Variants in DEPDC5 observed in about 807,000 individuals in gnomAD.
The protein encoded by DEPDC5 is GATOR1 complex protein DEPDC5.
DEPDC5 carries 73 observed loss-of-function variants against 217.3 expected under a neutral mutation model. The observed-to-expected ratio is 0.34, with a 90% CI of 0.28 to 0.41. The LOEUF is 0.41. DEPDC5 is among the 10% of genes least tolerant of loss of function. The pLI is 1.00. For missense variants in DEPDC5, 1,675 were observed against 2,070.1 expected, an observed-to-expected ratio of 0.81 and a Z score of 3.70; for synonymous variants, 733 against 756.7, an observed-to-expected ratio of 0.97 and a Z score of 0.51.
chr22:31,783,825 C>G lies in DEPDC5; in HGVS notation c.484-82C>G, dbSNP rs2084704126. 1.2e-5 allele frequency: 14 copies of G among 1,158,650 alleles called. No individual in the cohort carries two copies. In the South Asian group the frequency reaches 1.6e-4, roughly 13 times the overall value. 71.8% of individuals were successfully genotyped at this position (1,158,650 alleles called of 1,614,324 possible). A position where few individuals can be genotyped will look rare whatever the true frequency, so the allele number is the denominator to read the frequency against. On this transcript the variant is annotated intron_variant, in intron 8 of 42. Transcript: ENST00000651528. Reference sequence around the variant, plus strand: ...TAAGAACATTTACACTGTTGTGAAGCAGATCTTCAGAACTTTTTCATCTTA... The same window carrying G: ...TAAGAACATTTACACTGTTGTGAAGGAGATCTTCAGAACTTTTTCATCTTA...
Position 31,888,240 on chromosome 22 carries a change from G to GTTT in DEPDC5, c.4034-5318_4034-5316dup, listed in dbSNP as rs71184531. 8.4e-4 allele frequency among the ~76,000 whole-genome samples: 56 copies of GTTT among 66,402 alleles called. 5 individuals carry two copies. The highest frequency in any genetic ancestry group is 9.3e-4 in the Non-Finnish European group (36 of 38,738). 43.6% of individuals were successfully genotyped at this position (66,402 alleles called of 152,430 possible). A position where few individuals can be genotyped will look rare whatever the true frequency, so the allele number is the denominator to read the frequency against. On this transcript the variant is annotated intron_variant, in intron 38 of 42. Coordinates refer to ENST00000651528, the MANE Select transcript of DEPDC5 (RefSeq NM_001242896.3). ...CCTTCTCAGCCTTGTTTTGTCTGTGGTTTTTTTTTTTTTTTTTTTTTTTTT... is the reference window on the plus strand; with the variant it reads ...CCTTCTCAGCCTTGTTTTGTCTGTGGTTTTTTTTTTTTTTTTTTTTTTTTTTTT...
At chr22:31,817,369 C>T (rs1195272776) in intron 21 of DEPDC5, 1 of 351,912 alleles carries the variant, frequency 2.8e-6, no homozygotes, top group South Asian at 2.5e-5. Flanking sequence ...CTCAGCCTCC[C>T]AAAGTGCTGG....
intron 33 of DEPDC5, among the ~76,000 whole-genome samples, chr22:31,862,005 G>T (rs985903289): frequency 4.0e-5 from 6 of 151,582 alleles, no homozygotes; most frequent in African/African-American, 1.5e-4. Context: ...TTGGGAGGCC[G>T]AGGCGGGCAG....
At chr22:31,830,263 C>T (rs1050570584) in intron 24 of DEPDC5, among the ~76,000 whole-genome samples, 1 of 152,234 alleles carries the variant, frequency 6.6e-6, no homozygotes, top group Non-Finnish European at 1.5e-5. Context: ...ATTCACAATT[C>T]TGAACAGATG....
At chr22:31,842,404 C>T (rs1283743866) in intron 27 of DEPDC5, among the ~76,000 whole-genome samples, 2 of 152,058 alleles carry the variant, frequency 1.3e-5, no homozygotes, top group Non-Finnish European at 2.9e-5. Flanking sequence ...GGAGAAACCC[C>T]GTCTCCACTA....
chr22:31,833,108 G>C (rs1160000823), intron 24 of DEPDC5, among the ~76,000 whole-genome samples: 1 of 152,134 alleles, frequency 6.6e-6, no homozygotes, highest in Non-Finnish European at 1.5e-5. Flanking sequence ...TATCACCCAG[G>C]CTGGGGAGCA....
In DEPDC5 at chr22:31,874,399, C is replaced by A. The variant is rs2092934762; in HGVS notation, c.3690C>A (p.Ile1230=). The A allele has an allele frequency of 6.2e-7, 1 of 1,611,486 alleles. No homozygotes were observed. The highest frequency in any genetic ancestry group is 8.5e-7 in the Non-Finnish European group (1 of 1,178,948). The stretch of plus-strand genomic sequence containing the variant: ...AGACACAGGCGATGGCCATTGACAT[C>A]ATGCAGGTGAGACAGCAAGAGGGGC... The part of the protein sequence containing the change: ...GIQTQAMAID[I]MQKMLEEQLI... Residue 1230 remains isoleucine, a synonymous_variant, in exon 36 of 43, where the codon ATC becomes ATA. Coordinates refer to ENST00000651528, the MANE Select transcript of DEPDC5 (RefSeq NM_001242896.3).
chr22:31,900,304 C>T (rs2093626364), intron 40 of DEPDC5, among the ~76,000 whole-genome samples: 1 of 152,024 alleles, frequency 6.6e-6, no homozygotes, highest in African/African-American at 2.4e-5. Context: ...ACCTCAGCCT[C>T]CCAAAGTGCT....
intron 24 of DEPDC5, among the ~76,000 whole-genome samples, chr22:31,830,324 C>T (rs1679590859): frequency 6.6e-6 from 1 of 152,252 alleles, no homozygotes; most frequent in Non-Finnish European, 1.5e-5. Flanking sequence ...CTTCCGAAGT[C>T]TATGTCTGGC....
intron 6 of DEPDC5, among the ~76,000 whole-genome samples, chr22:31,767,554 C>G (rs2082925637): frequency 6.6e-6 from 1 of 152,122 alleles, no homozygotes; most frequent in Non-Finnish European, 1.5e-5. Flanking sequence ...CTCGGCCTCC[C>G]AAAGTGCTGG....
intron 31 of DEPDC5, among the ~76,000 whole-genome samples, chr22:31,856,302 C>A (rs968594890): frequency 6.6e-6 from 1 of 152,002 alleles, no homozygotes; most frequent in African/African-American, 2.4e-5. Context: ...CCTGAAGGGG[C>A]CAACAACTGA....
rs2413059 is a variant in DEPDC5, at chr22:31,767,436, C to T, written c.363+768C>T. On this transcript the variant is annotated intron_variant, in intron 6 of 42. Transcript: ENST00000651528. ...TCAGCCTCCGCAGTAGCTGGGATTA[C>T]GGGCATGCACCACCGCACCTGGCTA... Among the ~76,000 whole-genome samples the T allele has an allele frequency of 8.9e-3, 1,360 of 152,198 alleles. 12 individuals are homozygous for T. The highest frequency in any genetic ancestry group is 0.012 in the Non-Finnish European group (792 of 68,008).
Position 31,848,707 on chromosome 22 carries a change from A to G in DEPDC5, c.3155+1740A>G, listed in dbSNP as rs181194581. On this transcript the variant is annotated intron_variant, in intron 31 of 42. Transcript: ENST00000651528. ...ATTTTCCCCATTGTCTTGGTGATTA[A>G]CATTAAGCTCCTCCTTACTTATGCA... Among the ~76,000 whole-genome samples the G allele has an allele frequency of 2.0e-4, 30 of 152,294 alleles. No individual in the cohort carries two copies. In the South Asian group the frequency reaches 2.7e-3, roughly 14 times the overall value.
intron 20 of DEPDC5, 90 bp from the exon 21 acceptor site, chr22:31,814,902 G>A (rs2057192147): frequency 1.4e-6 from 2 of 1,432,108 alleles, no homozygotes; most frequent in East Asian, 2.3e-5. Context: ...TGGGTTCCAT[G>A]TGGCTTGGGC....
intron 14 of DEPDC5, among the ~76,000 whole-genome samples, chr22:31,801,340 T>C (rs1228775421): frequency 2.0e-5 from 3 of 152,066 alleles, no homozygotes; most frequent in Non-Finnish European, 4.4e-5. Context: ...AAAGTAACCA[T>C]GTTACTAGAA....
chr22:31,804,923 C>T lies in DEPDC5; in HGVS notation c.1217+8C>T, dbSNP rs754150372. On this transcript the variant is annotated splice_region_variant and intron_variant, in intron 17 of 42. Transcript: ENST00000651528. Reference sequence around the variant, plus strand: ...TCACTGGATAAACCACAGGTGGGTGCGATCTCGATCAATAGTAGGTGATAA... The same window carrying T: ...TCACTGGATAAACCACAGGTGGGTGTGATCTCGATCAATAGTAGGTGATAA... 1.3e-5 allele frequency: 21 copies of T among 1,610,860 alleles called. No individual in the cohort carries two copies. The highest frequency in any genetic ancestry group is 2.2e-5 in the East Asian group (1 of 44,832).
chr22:31,771,039 T>C (rs1226333345), intron 7 of DEPDC5, among the ~76,000 whole-genome samples: 1 of 152,090 alleles, frequency 6.6e-6, no homozygotes, highest in Non-Finnish European at 1.5e-5. Flanking sequence ...CTCCTCAGCC[T>C]CCCAAAGCAC....
intron 25 of DEPDC5, among the ~76,000 whole-genome samples, chr22:31,836,090 A>G (rs1246956553): frequency 6.6e-6 from 1 of 152,246 alleles, no homozygotes; most frequent in East Asian, 1.9e-4. Context: ...CTGCCCTATT[A>G]TTTTAACTCA....
chr22:31,872,073 G>T (rs898324067), intron 34 of DEPDC5, among the ~76,000 whole-genome samples: 5 of 152,210 alleles, frequency 3.3e-5, no homozygotes, highest in Admixed American at 6.5e-5. Flanking sequence ...AGTAGTCTGG[G>T]ACTGAGGAAA....
Sources: allele counts gnomAD v4.1 joint callset (sites outside exome capture counted in the v4.1 genomes callset), GRCh38; gene constraint gnomAD v4.1.1; transcripts MANE v1.5; gene names NCBI Gene and HGNC (gene_info 2026-07-23, HGNC 2026-07-21).